The following CADM2 variants were observed in gnomAD, a reference collection of about 807,000 sequenced individuals.
The protein encoded by CADM2 is immunoglobulin superfamily member 4D.
Under a neutral mutation model 49.8 loss-of-function variants are expected in CADM2, and 12 were observed. The observed-to-expected ratio is 0.24, with a 90% confidence interval of 0.15 to 0.39. The LOEUF is 0.39. Among genes scored for constraint, CADM2 ranks in the 10% least tolerant of loss-of-function variants. The pLI is 1.00. For missense variants in CADM2, 378 were observed against 492.3 expected (o/e 0.77, Z 2.20); for synonymous variants, 214 against 175.4 (o/e 1.22, Z -1.74).
chr3:85,080,255 C>T (rs546593801), intron 1 of CADM2, among the ~76,000 whole-genome samples: 57 of 152,064 alleles, frequency 3.7e-4, no homozygotes, highest in African/African-American at 1.3e-3. Context: ...AATTTCATTA[C>T]ATGCCTCTTA....
intron 7 of CADM2, among the ~76,000 whole-genome samples, chr3:85,954,430 C>T (rs570370254): frequency 2.4e-4 from 36 of 151,214 alleles, no homozygotes; most frequent in South Asian, 6.2e-4. Context: ...TCCTTAACTT[C>T]TGACAGGAAG....
In CADM2 at chr3:85,627,181, G is replaced by A. The variant is rs578021669; in HGVS notation, c.62-99341G>A. The stretch of plus-strand genomic sequence containing the variant: ...TGATACTTACAGTCAACATTCTGGA[G>A]GTTGTTAAAACGACCTTCCTTTTAC... On this transcript the variant is annotated intron_variant, in intron 1 of 9. Transcript: ENST00000383699. Among the ~76,000 whole-genome samples the A allele has an allele frequency of 2.6e-5, 4 of 151,040 alleles. No homozygotes were observed. The East Asian group carries it at 5.8e-4, about 22-fold the overall frequency.
chr3:85,597,631 A>G (rs1468980851), intron 1 of CADM2, among the ~76,000 whole-genome samples: 3 of 152,112 alleles, frequency 2.0e-5, no homozygotes, highest in Non-Finnish European at 4.4e-5. Context: ...TGAAATGTAG[A>G]CAATACTAAA....
intron 8 of CADM2, among the ~76,000 whole-genome samples, chr3:86,041,604 G>C (rs1334158809): frequency 6.6e-6 from 1 of 152,098 alleles, no homozygotes; most frequent in Non-Finnish European, 1.5e-5. Flanking sequence ...GACCCACAAA[G>C]AGACTTAGAC....
chr3:85,216,703 T>A (rs1352854545), intron 1 of CADM2, among the ~76,000 whole-genome samples: 1 of 152,080 alleles, frequency 6.6e-6, no homozygotes, highest in Non-Finnish European at 1.5e-5. Context: ...ACATGTGTAC[T>A]CTTCCAAAAA....
At position 85,005,467 on chromosome 3, in the gene CADM2, T is replaced by A. The variant is rs114960647; in HGVS notation, c.61+45799T>A. Among the ~76,000 whole-genome samples, 1,105 of 152,152 alleles carry A rather than the reference T, an allele frequency of 7.3e-3. 16 individuals are homozygous for A. Among genetic ancestry groups the A allele is most frequent in the African/African-American group, 0.022 (930 of 41,534 alleles). On this transcript the variant is annotated intron_variant, in intron 1 of 9. Transcript: ENST00000383699. The stretch of plus-strand genomic sequence containing the variant: ...CTACATATGCTGATTGGAAAAAAAA[T>A]TCATCCTAGTTTCTTTATTTTGTAT...
At chr3:85,240,626 T>A (rs1286596479) in intron 1 of CADM2, among the ~76,000 whole-genome samples, 1 of 151,470 alleles carries the variant, frequency 6.6e-6, no homozygotes, top group Admixed American at 6.6e-5. Flanking sequence ...TATCACGTTA[T>A]TTCCTCTAAG....
At chr3:85,203,905 C>T (rs1032156314) in intron 1 of CADM2, among the ~76,000 whole-genome samples, 1 of 152,108 alleles carries the variant, frequency 6.6e-6, no homozygotes, top group African/African-American at 2.4e-5. Flanking sequence ...ATATTTCTTC[C>T]TATTTTCATT....
chr3:85,250,366 T>C (rs2042747257), intron 1 of CADM2, among the ~76,000 whole-genome samples: 1 of 151,576 alleles, frequency 6.6e-6, no homozygotes, highest in Non-Finnish European at 1.5e-5. Context: ...CACCACATAA[T>C]AAGCAGCCAG....
chr3:84,966,277 CACTT>C (rs944511277), intron 1 of CADM2, among the ~76,000 whole-genome samples: 3 of 152,078 alleles, frequency 2.0e-5, no homozygotes, highest in South Asian at 4.1e-4. Context: ...ATTCCACAGT[CACTT>C]ATTTATATAT....
chr3:85,608,987 A>T (rs1379799880), intron 1 of CADM2, among the ~76,000 whole-genome samples: 15 of 152,152 alleles, frequency 9.9e-5, no homozygotes, highest in African/African-American at 3.4e-4. Context: ...AATTATGATT[A>T]AAAATATTTA....
chr3:85,046,295 A>G (rs552294666), intron 1 of CADM2, among the ~76,000 whole-genome samples: 4 of 150,906 alleles, frequency 2.7e-5, no homozygotes, highest in Non-Finnish European at 5.9e-5. Flanking sequence ...TTCAGCTGCC[A>G]TATTCCCAAA....
intron 1 of CADM2, among the ~76,000 whole-genome samples, chr3:85,638,744 T>C (rs1306653352): frequency 1.3e-5 from 2 of 152,150 alleles, no homozygotes; most frequent in Non-Finnish European, 2.9e-5. Flanking sequence ...TTTCTTTCTT[T>C]ATCTCTAAAG....
At chr3:85,694,705 G>C (rs192507080) in intron 1 of CADM2, among the ~76,000 whole-genome samples, 101 of 152,208 alleles carry the variant, frequency 6.6e-4, no homozygotes, top group African/African-American at 2.3e-3. Flanking sequence ...ACTCCCAGCT[G>C]CCCCTGGGAT....
At chr3:85,860,982 G>C (rs1477305671) in intron 3 of CADM2, among the ~76,000 whole-genome samples, 1 of 152,164 alleles carries the variant, frequency 6.6e-6, no homozygotes, top group Admixed American at 6.5e-5. Flanking sequence ...TAGGGGGACA[G>C]CAGTGTGACA....
chr3:85,352,530 C>G (rs1410404598), intron 1 of CADM2, among the ~76,000 whole-genome samples: 1 of 152,026 alleles, frequency 6.6e-6, no homozygotes, highest in Non-Finnish European at 1.5e-5. Context: ...TTCACGGCTT[C>G]ATTTATTTGG....
chr3:85,868,142 A>T (rs960976372), intron 3 of CADM2, among the ~76,000 whole-genome samples: 2 of 152,016 alleles, frequency 1.3e-5, no homozygotes, highest in African/African-American at 2.4e-5. Flanking sequence ...GAAGCAAGAA[A>T]AGAGTCCCAA....
At chr3:85,956,147 T>C (rs528733297) in intron 7 of CADM2, among the ~76,000 whole-genome samples, 1 of 151,792 alleles carries the variant, frequency 6.6e-6, no homozygotes, top group East Asian at 2.0e-4. Context: ...CATCTGATGC[T>C]ATTTTCACTG....
intron 1 of CADM2, among the ~76,000 whole-genome samples, chr3:85,223,501 A>G (rs1012053693): frequency 1.3e-5 from 2 of 152,188 alleles, no homozygotes; most frequent in Non-Finnish European, 2.9e-5. Flanking sequence ...CACAAAAAAT[A>G]TATTTATCCC....
Sources: gnomAD v4.1 joint callset for allele counts (sites outside exome capture counted in the v4.1 genomes callset) on GRCh38, gnomAD v4.1.1 for gene constraint, MANE v1.5 for transcripts, NCBI Gene and HGNC (gene_info 2026-07-23, HGNC 2026-07-21) for gene names.